The following MYO18A variants were observed in gnomAD, a reference collection of about 807,000 sequenced individuals.
MYO18A encodes unconventional myosin-XVIIIa.
Under a neutral mutation model 235.8 loss-of-function variants are expected in MYO18A, and 78 were observed. The observed-to-expected ratio is 0.33, with a 90% CI of 0.28 to 0.40. The LOEUF is 0.40. MYO18A is among the 10% of genes least tolerant of loss of function. The pLI, the probability that MYO18A is intolerant of heterozygous loss-of-function variation, is 1.00. For missense variants in MYO18A, 2,215 were observed against 2,699.3 expected (o/e 0.82, Z 3.98); for synonymous variants, 977 against 1,077.8 (o/e 0.91, Z 1.83).
rs1430951519 is a variant in MYO18A at position 29,180,227 on chromosome 17, G to GCCCTCCCT, written c.-82+78_-82+85dup. On this transcript the variant is annotated intron_variant, in intron 1 of 41. Coordinates refer to ENST00000527372, the MANE Select transcript of MYO18A (RefSeq NM_078471.4). This position sits in a 1 kb window ranked among gnomAD's most constrained non-coding sequence, Gnocchi z 6.1. ...AGCCGGCGGGCCCCGCCGCCCGCCC[G>GCCCTCCCT]CCCTCCCTCCCGGCCGGAGCCCGCC... is the stretch of plus-strand genomic sequence containing the variant. The GCCCTCCCT allele has an allele frequency of 3.2e-5, 1 of 30,958 alleles. No homozygotes were observed. Among genetic ancestry groups the GCCCTCCCT allele is most frequent in the Non-Finnish European group, 7.7e-5 (1 of 13,058 alleles). The allele number at this position is 30,958 out of a possible 1,614,324, so 1.9% of individuals were successfully genotyped here.
At chr17:29,083,378 T>C (rs1293241497) in intron 40 of MYO18A, among the ~76,000 whole-genome samples, 1 of 152,164 alleles carries the variant, frequency 6.6e-6, no homozygotes, top group Non-Finnish European at 1.5e-5. Flanking sequence ...CTTCTAAAAT[T>C]CTGCAGAATG....
At chr17:29,098,262 G>A in intron 24 of MYO18A, 38 bp from the exon 25 acceptor site, 3 of 1,613,256 alleles carry the variant, frequency 1.9e-6, no homozygotes, top group Non-Finnish European at 2.5e-6. Context: ...CAGTTGAAGT[G>A]CCTGCCTCAC....
rs2067726827 is a variant in MYO18A, at chr17:29,140,959, G to A, written c.1000-18706C>T. Among the ~76,000 whole-genome samples the A allele has an allele frequency of 3.3e-5, 5 of 152,210 alleles. No individual in the cohort carries two copies. The South Asian group carries it at 8.3e-4, about 25-fold the overall frequency. On this transcript the variant is annotated intron_variant, in intron 2 of 41. Transcript: ENST00000527372. This position sits in a 1 kb window ranked among gnomAD's most constrained non-coding sequence, Gnocchi z 4.2. ...TCCAAGACAGCACACGGGGCCCACT[G>A]CACACTGTGCCCAAACAGCAGCCGC...
In MYO18A at chr17:29,106,959, C is replaced by A; in HGVS notation, c.3441+121G>T. ...AGGACACAGCTGGGTGCTTCCAAAA[C>A]TGGGAGCCTGAGCAGGGCCAGATGA... is the stretch of plus-strand genomic sequence containing the variant. On this transcript the variant is annotated intron_variant, in intron 20 of 41. Transcript: ENST00000527372. This position sits in a 1 kb window ranked among gnomAD's most constrained non-coding sequence, Gnocchi z 4.6. 1.0e-6 allele frequency: 1 copy of A among 961,244 alleles called. No homozygotes were observed. The allele number at this position is 961,244 out of a possible 1,614,324, so 59.5% of individuals were successfully genotyped here. A position where few individuals can be genotyped will look rare whatever the true frequency, so the allele number is the denominator to read the frequency against.
chr17:29,140,431 T>C lies in MYO18A; in HGVS notation c.1000-18178A>G, dbSNP rs1484484216. ...TAGCAGCTCAAAATAGCACAGGCTG[T>C]GGCCCCGCCCAGTTCCCGCCCTCTC... On this transcript the variant is annotated intron_variant, in intron 2 of 41. Coordinates refer to ENST00000527372, the MANE Select transcript of MYO18A (RefSeq NM_078471.4). This position sits in a 1 kb window ranked among gnomAD's most constrained non-coding sequence, Gnocchi z 4.2. 1.6e-5 allele frequency: 20 copies of C among 1,266,064 alleles called. No homozygotes were observed. The highest frequency in any genetic ancestry group is 3.1e-5 in the African/African-American group (2 of 64,530). The allele number at this position is 1,266,064 out of a possible 1,614,324, so 78.4% of individuals were successfully genotyped here.
chr17:29,116,729 C>A (rs2067079519), intron 10 of MYO18A, among the ~76,000 whole-genome samples: 1 of 19,780 alleles, frequency 5.1e-5, no homozygotes, highest in African/African-American at 1.4e-4. Flanking sequence ...ACACCCTCCC[C>A]CCCCCCCCCC....
Position 29,109,754 on chromosome 17 carries a change from A to C in MYO18A, c.3331+104T>G. The C allele has an allele frequency of 7.2e-7, 1 of 1,384,962 alleles. No homozygotes were observed. Among genetic ancestry groups the C allele is most frequent in the Non-Finnish European group, 9.8e-7 (1 of 1,016,728 alleles). 85.8% of individuals were successfully genotyped at this position (1,384,962 alleles called of 1,614,324 possible). On this transcript the variant is annotated intron_variant, in intron 19 of 41. Transcript: ENST00000527372. This position sits in a 1 kb window ranked among gnomAD's most constrained non-coding sequence, Gnocchi z 4.1. ...AGCAGAAAGGATCGTGAGGAAAGAC[A>C]GGAGCAGCCCCACTGCAGCCCACGG...
chr17:29,081,130 G>C, intron 41 of MYO18A: 12 of 454,110 alleles, frequency 2.6e-5, no homozygotes, highest in Non-Finnish European at 2.9e-5. Context: ...GGGGAGGGAG[G>C]CGAAAGGAGG....
At chr17:29,177,631 G>T (rs145243515) in intron 1 of MYO18A, among the ~76,000 whole-genome samples, 87 of 152,258 alleles carry the variant, frequency 5.7e-4, no homozygotes, top group African/African-American at 2.0e-3. Flanking sequence ...ACCCAAAGCA[G>T]AACTTAAACT....
chr17:29,117,961 G>A lies in MYO18A; in HGVS notation c.2038+84C>T. On this transcript the variant is annotated intron_variant, in intron 10 of 41. Coordinates refer to ENST00000527372, the MANE Select transcript of MYO18A (RefSeq NM_078471.4). This position sits in a 1 kb window ranked among gnomAD's most constrained non-coding sequence, Gnocchi z 4.6. ...TCTCAGAACGGCTAAGTCTGTGCTG[G>A]GCAAGAATAAACTGGGAGTGGGCAG... is the stretch of plus-strand genomic sequence containing the variant. 6.8e-7 allele frequency: 1 copy of A among 1,464,086 alleles called. No individual in the cohort carries two copies. The highest frequency in any genetic ancestry group is 1.4e-5 in the African/African-American group (1 of 71,384). 90.7% of individuals were successfully genotyped at this position (1,464,086 alleles called of 1,614,324 possible).
At position 29,166,866 on chromosome 17, in the gene MYO18A, C is replaced by G; in HGVS notation, c.75G>C (p.Lys25Asn). The G allele has an allele frequency of 1.3e-6, 2 of 1,552,814 alleles. No individual in the cohort carries two copies. Among genetic ancestry groups the G allele is most frequent in the South Asian group, 1.2e-5 (1 of 84,128 alleles). The change falls in exon 2 of 42, where the codon AAG (lysine) becomes AAC (asparagine). Residue 25 changes from lysine to asparagine, a missense_variant. Transcript: ENST00000527372. Reference protein sequence around the residue: ...RKEKKEKKEKKERMSAAELRS... With the variant: ...RKEKKEKKEKNERMSAAELRS... ...GAAGCTCTGCCGCTGACATCCGCTC[C>G]TTTTTCTCCTTTTTCTCCTTCTTCT...
Position 29,097,338 on chromosome 17 carries a change from C to T in MYO18A, c.4115G>A (p.Arg1372Gln), listed in dbSNP as rs201296071. 2.1e-3 allele frequency: 3,394 copies of T among 1,608,778 alleles called. 2 individuals carry two copies. Among genetic ancestry groups the T allele is most frequent in the Admixed American group, 3.3e-3 (197 of 60,014 alleles). The part of the protein sequence containing the change: ...VDDDDAGGEW[R>Q]LKYERAVREV... ...CCGCACAGCCCGCTCATACTTCAGC[C>T]GCCACTCGCCACCTGTGGGGTTGAG... is the stretch of plus-strand genomic sequence containing the variant. Residue 1372 changes from arginine to glutamine, a missense_variant, in exon 27 of 42, where the codon CGG (arginine) becomes CAG (glutamine). Physicochemically the swap from Arg to Gln is conservative, Grantham distance 43. Coordinates refer to ENST00000527372, the MANE Select transcript of MYO18A (RefSeq NM_078471.4).
intron 12 of MYO18A, 53 bp from the exon 13 acceptor site, chr17:29,115,494 G>T: frequency 6.3e-7 from 1 of 1,581,556 alleles, no homozygotes; most frequent in Non-Finnish European, 8.6e-7. Context: ...CTCCCCATCT[G>T]GGTAAGCCCC....
rs1475443589 is a variant in MYO18A, at chr17:29,099,059, C to A, written c.3637-90G>T. 2.0e-6 allele frequency: 3 copies of A among 1,521,950 alleles called. No individual in the cohort carries two copies. In the African/African-American group the frequency reaches 4.1e-5, roughly 21 times the overall value. 94.3% of individuals were successfully genotyped at this position (1,521,950 alleles called of 1,614,324 possible). On this transcript the variant is annotated intron_variant, in intron 22 of 41. Coordinates refer to ENST00000527372, the MANE Select transcript of MYO18A (RefSeq NM_078471.4). ...GATCCTCCCCACCACCAGCACAGGC[C>A]CCCAGGGCTGCTCCTCTGGCCCCCT...
chr17:29,115,636 C>T (rs1025868601), intron 12 of MYO18A, 28 bp downstream of exon 12: 13 of 1,565,020 alleles, frequency 8.3e-6, no homozygotes, highest in African/African-American at 5.4e-5. Context: ...CTCACACTCA[C>T]AACTACCAGC....
chr17:29,109,863 C>T lies in MYO18A; in HGVS notation c.3326G>A (p.Arg1109His), dbSNP rs1246677578. The change falls in exon 19 of 42, where the codon CGC (arginine) becomes CAC (histidine). Residue 1109 changes from arginine (R) to histidine (H), a missense_variant. Coordinates refer to ENST00000527372, the MANE Select transcript of MYO18A (RefSeq NM_078471.4). The surrounding 1 kb of genome is among the most constrained non-coding windows in gnomAD (Gnocchi z 4.1). ...SRLLDAMRMY[R>H]QGYPDHMVFS... is the part of the protein sequence containing the mutation. The stretch of plus-strand genomic sequence containing the variant: ...GAGAGGAAAGGAGGCCCCACCTTGG[C>T]GGTACATGCGCATGGCATCGAGCAG... 2 of 1,555,476 alleles carry T rather than the reference C, an allele frequency of 1.3e-6. No homozygotes were observed. Among genetic ancestry groups the T allele is most frequent in the Non-Finnish European group, 1.7e-6 (2 of 1,149,314 alleles).
intron 2 of MYO18A, among the ~76,000 whole-genome samples, chr17:29,153,180 T>A (rs1184490719): frequency 6.6e-6 from 1 of 152,190 alleles, no homozygotes; most frequent in East Asian, 1.9e-4. Context: ...TGGACTGCAG[T>A]GGTGCAATCA....
rs775211368 is a variant in MYO18A at position 29,110,582 on chromosome 17, C to T, written c.2941G>A (p.Ala981Thr). Residue 981 changes from alanine to threonine, a missense_variant, in exon 18 of 42, where the codon GCC becomes ACC. By Grantham distance (58) the Ala-to-Thr change is moderately conservative. Transcript: ENST00000527372. ...GCGATGGAGCCAGAGAGCACCGTGG[C>T]ACTGCCTGCGCGGCCCAGAAACAGG... ...SNLFLGRAGS[A>T]TVLSGSIAGL... 33 of 1,611,818 alleles carry T rather than the reference C, an allele frequency of 2.0e-5. No homozygotes were observed. Among genetic ancestry groups the T allele is most frequent in the Middle Eastern group, 1.6e-4 (1 of 6,074 alleles).
At chr17:29,153,661 C>T (rs1228815959) in intron 2 of MYO18A, among the ~76,000 whole-genome samples, 1 of 152,112 alleles carries the variant, frequency 6.6e-6, no homozygotes, top group African/African-American at 2.4e-5. Context: ...TTGCCTAGGG[C>T]CCTCTCTCTC....
Sources: gnomAD v4.1 joint callset for allele counts (sites outside exome capture counted in the v4.1 genomes callset) on GRCh38, gnomAD v4.1.1 for gene constraint, Gnocchi (gnomAD v3.1) non-coding constraint, MANE v1.5 for transcripts, NCBI Gene and HGNC (gene_info 2026-07-23, HGNC 2026-07-21) for gene names.